MAGEC3: variants seen among roughly 807,000 people sequenced by gnomAD.
MAGEC3 encodes melanoma-associated antigen C3.
Under a neutral mutation model 35.3 loss-of-function variants are expected in MAGEC3, and 34 were observed. That is an observed-to-expected ratio of 0.96 (90% CI 0.73 to 1.28). The LOEUF is 1.28. Ranked by LOEUF, MAGEC3 falls within the 50% of genes most tolerant of loss-of-function variation. MAGEC3 has a pLI of 0.00. For synonymous variants in MAGEC3, 202 were observed against 185.6 expected, an observed-to-expected ratio of 1.09 and a Z score of -0.72; for missense variants, 561 against 483.6, an observed-to-expected ratio of 1.16 and a Z score of -1.50.
intron 4 of MAGEC3, among the ~76,000 whole-genome samples, chrX:141,888,518 G>A (rs994412847): frequency 2.7e-5 from 3 of 112,410 alleles, no homozygotes; most frequent in African/African-American, 9.7e-5. Flanking sequence ...CTTTCTGAGT[G>A]GTCAAAAACT....
intron 2 of MAGEC3, among the ~76,000 whole-genome samples, chrX:141,877,846 AT>A (rs764285274): frequency 8.9e-6 from 1 of 112,383 alleles, no homozygotes; most frequent in East Asian, 2.8e-4. Context: ...GAAAGTTCTC[AT>A]ATGTTCCACA....
chrX:141,891,482 A>G (rs1281033542), intron 4 of MAGEC3, among the ~76,000 whole-genome samples: 1 of 109,932 alleles, frequency 9.1e-6, no homozygotes, highest in Non-Finnish European at 1.9e-5. Flanking sequence ...CTTTTCTTAC[A>G]AATAAATACT....
intron 2 of MAGEC3, among the ~76,000 whole-genome samples, chrX:141,875,067 A>T (rs1473121991): frequency 8.9e-6 from 1 of 111,808 alleles, no homozygotes; most frequent in Non-Finnish European, 1.9e-5. Context: ...TTTCAAAAGG[A>T]TGCTGAGAAA....
chrX:141,846,106 G>A (rs768246614), intron 1 of MAGEC3, among the ~76,000 whole-genome samples: 25 of 109,993 alleles, frequency 2.3e-4, no homozygotes, highest in African/African-American at 5.9e-4. Context: ...CACCAATTTA[G>A]TGGTTCTTGG....
At chrX:141,880,829 A>C (rs965675577) in intron 3 of MAGEC3, 3 of 1,133,354 alleles carry the variant, frequency 2.6e-6, no homozygotes, top group African/African-American at 1.8e-5. Flanking sequence ...TAAGAGAAGA[A>C]GAGCTGTAAG....
At chrX:141,861,057 C>G (rs2017812373) in intron 1 of MAGEC3, among the ~76,000 whole-genome samples, 2 of 111,228 alleles carry the variant, frequency 1.8e-5, no homozygotes, top group African/African-American at 6.5e-5. Context: ...AATTTTGAAA[C>G]TTTATATTTA....
chrX:141,865,644 A>G, intron 2 of MAGEC3, 39 bp downstream of exon 2: 2 of 1,173,742 alleles, frequency 1.7e-6, no homozygotes, highest in Non-Finnish European at 2.3e-6. Flanking sequence ...ACCTCCTGCC[A>G]CAGATATAGG....
intron 2 of MAGEC3, among the ~76,000 whole-genome samples, chrX:141,866,402 TA>T (rs1301045417): frequency 8.9e-6 from 1 of 112,220 alleles, no homozygotes; most frequent in Non-Finnish European, 1.9e-5. Context: ...TAGCACTGAT[TA>T]AAATACCACT....
intron 2 of MAGEC3, among the ~76,000 whole-genome samples, chrX:141,865,963 C>G (rs2017846130): frequency 9.0e-6 from 1 of 111,196 alleles, no homozygotes; most frequent in African/African-American, 3.3e-5. Context: ...CCCTGACATC[C>G]TTTTAGAGGA....
intron 1 of MAGEC3, among the ~76,000 whole-genome samples, chrX:141,863,721 G>C (rs866904702): frequency 4.0e-4 from 45 of 111,491 alleles, no homozygotes; most frequent in African/African-American, 1.4e-3. Flanking sequence ...TATATGAAAA[G>C]ATGCTCAGCA....
At chrX:141,895,236 G>A in intron 4 of MAGEC3, 33 bp from the exon 5 acceptor site, 1 of 1,191,768 alleles carries the variant, frequency 8.4e-7, no homozygotes, top group Non-Finnish European at 1.1e-6. Context: ...TCCATGGAGA[G>A]GAGGCCCCAC....
At chrX:141,846,461 T>C (rs1043758927) in intron 1 of MAGEC3, among the ~76,000 whole-genome samples, 2 of 109,860 alleles carry the variant, frequency 1.8e-5, no homozygotes, top group Non-Finnish European at 3.8e-5. Flanking sequence ...TAGTCTTGCC[T>C]CCTTAAGGGA....
In MAGEC3 at chrX:141,879,335, A is replaced by T. The variant is rs12852593; in HGVS notation, c.419A>T (p.Asp140Val). Residue 140 changes from aspartate to valine, a missense_variant, in exon 3 of 8, where the codon GAC becomes GTC. Physicochemically the swap from Asp to Val is radical, Grantham distance 152. Coordinates refer to ENST00000298296, the MANE Select transcript of MAGEC3 (RefSeq NM_138702.1). ...AACGAGAAGAGAACTCTGTGGAAGG[A>T]CAGTGACCTTCCAACATGGAGGAGA... ...PLNEKRTLWK[D>V]SDLPTWRRGT... 0.036 allele frequency: 43,150 copies of T among 1,199,985 alleles called. 1,535 individuals carry two copies. The highest frequency in any genetic ancestry group is 0.21 in the Admixed American group (9,343 of 44,499).
chrX:141,866,982 G>T (rs969911931), intron 2 of MAGEC3, among the ~76,000 whole-genome samples: 1 of 110,665 alleles, frequency 9.0e-6, no homozygotes, highest in Non-Finnish European at 1.9e-5. Context: ...AGGGAGGTTA[G>T]ATGAAGAAGA....
rs12557512 is a variant in MAGEC3, at chrX:141,879,501, C to T, written c.515+70C>T. ...AGGTGGAGGGATACCGAGAGGTGGG[C>T]AGGAAGGGGTGGAAAGGGTCGGGGA... On this transcript the variant is annotated intron_variant, in intron 3 of 7. Coordinates refer to ENST00000298296, the MANE Select transcript of MAGEC3 (RefSeq NM_138702.1). The T allele has an allele frequency of 0.19, 205,757 of 1,063,316 alleles. 14,838 individuals are homozygous for T. The highest frequency in any genetic ancestry group is 0.41 in the Admixed American group (13,326 of 32,797). 87.6% of individuals were successfully genotyped at this position (1,063,316 alleles called of 1,213,427 possible).
At chrX:141,860,935 C>T (rs1454204009) in intron 1 of MAGEC3, among the ~76,000 whole-genome samples, 3 of 111,631 alleles carry the variant, frequency 2.7e-5, no homozygotes, top group African/African-American at 9.8e-5. Flanking sequence ...ACTTAGAAAT[C>T]ATAGCATTCG....
At chrX:141,869,949 A>C (rs1002831095) in intron 2 of MAGEC3, among the ~76,000 whole-genome samples, 3 of 111,712 alleles carry the variant, frequency 2.7e-5, no homozygotes, top group African/African-American at 9.8e-5. Flanking sequence ...AAGCATGTTA[A>C]ATAATTCTGT....
intron 1 of MAGEC3, among the ~76,000 whole-genome samples, chrX:141,859,902 G>A (rs376852980): frequency 8.9e-6 from 1 of 111,969 alleles, no homozygotes; most frequent in South Asian, 3.7e-4. Context: ...TGCAATACGT[G>A]TCCTATTCTA....
At chrX:141,849,467 C>G (rs1473941230) in intron 1 of MAGEC3, among the ~76,000 whole-genome samples, 1 of 110,787 alleles carries the variant, frequency 9.0e-6, no homozygotes, top group Non-Finnish European at 1.9e-5. Flanking sequence ...ACAGAGTAAA[C>G]AGCCTACAGA....
Sources: gnomAD v4.1 joint callset for allele counts (sites outside exome capture counted in the v4.1 genomes callset) on GRCh38, gnomAD v4.1.1 for gene constraint, MANE v1.5 for transcripts, NCBI Gene and HGNC (gene_info 2026-07-23, HGNC 2026-07-21) for gene names.